Variants in MACROD2 observed in about 807,000 individuals in gnomAD.
MACROD2 encodes the protein mono-ADP ribosylhydrolase 2.
A neutral mutation model predicts 70.4 loss-of-function variants in MACROD2; 36 were observed. The ratio of observed to expected loss-of-function variants is 0.51; its 90% CI spans 0.39 to 0.68. The LOEUF is 0.68. Ranked by LOEUF, MACROD2 falls within the 30% of genes least tolerant of loss-of-function variation. The pLI, the probability that MACROD2 is intolerant of heterozygous loss-of-function variation, is 0.00. For missense variants in MACROD2, 496 were observed against 538.4 expected (o/e 0.92, Z 0.78); for synonymous variants, 172 against 178.8 (o/e 0.96, Z 0.30).
intron 8 of MACROD2, among the ~76,000 whole-genome samples, chr20:15,678,521 G>A (rs1182774063): frequency 1.2e-4 from 18 of 152,060 alleles, no homozygotes; most frequent in Non-Finnish European, 2.5e-4. Flanking sequence ...CACCATGCCT[G>A]GCTAATTTTT....
At chr20:14,483,633 C>T (rs1380543617) in intron 3 of MACROD2, among the ~76,000 whole-genome samples, 3 of 152,048 alleles carry the variant, frequency 2.0e-5, no homozygotes, top group Non-Finnish European at 4.4e-5. Context: ...CTCGAACTCC[C>T]GACCTCAGGT....
At chr20:14,905,662 C>G (rs1483464778) in intron 5 of MACROD2, 2 of 152,354 alleles carry the variant, frequency 1.3e-5, no homozygotes, top group African/African-American at 4.8e-5. Flanking sequence ...CTGGAACATC[C>G]CGATTCTCAT....
At chr20:14,939,871 G>C (rs1025578516) in intron 5 of MACROD2, among the ~76,000 whole-genome samples, 9 of 151,734 alleles carry the variant, frequency 5.9e-5, no homozygotes, top group African/African-American at 2.2e-4. Flanking sequence ...AGCTATTATA[G>C]ATGGGATTAC....
intron 5 of MACROD2, among the ~76,000 whole-genome samples, chr20:14,871,105 C>T (rs1414116241): frequency 2.0e-5 from 3 of 152,020 alleles, no homozygotes; most frequent in African/African-American, 7.2e-5. Flanking sequence ...TTCAATAGAT[C>T]AACCATGAGA....
chr20:14,473,062 A>G (rs2084548664), intron 3 of MACROD2, among the ~76,000 whole-genome samples: 1 of 152,198 alleles, frequency 6.6e-6, no homozygotes, highest in Admixed American at 6.5e-5. Context: ...GTAATTATAC[A>G]TATTTATGGA....
chr20:15,380,161 T>G (rs1382705000), intron 6 of MACROD2, among the ~76,000 whole-genome samples: 6 of 136,308 alleles, frequency 4.4e-5, no homozygotes, highest in African/African-American at 1.9e-4. Context: ...CCATCTGTCA[T>G]TCTTTATCAT....
intron 8 of MACROD2, among the ~76,000 whole-genome samples, chr20:15,835,342 G>T (rs865952442): frequency 6.6e-6 from 1 of 151,604 alleles, no homozygotes; most frequent in African/African-American, 2.4e-5. Flanking sequence ...TTTTCCATGG[G>T]AACCAATATT....
intron 8 of MACROD2, among the ~76,000 whole-genome samples, chr20:15,501,392 T>A (rs1247493489): frequency 1.3e-5 from 2 of 152,216 alleles, no homozygotes; most frequent in Admixed American, 1.3e-4. Context: ...GACATATGCA[T>A]AAAGTCATAT....
At chr20:15,447,992 C>T (rs1288033322) in intron 7 of MACROD2, among the ~76,000 whole-genome samples, 1 of 152,128 alleles carries the variant, frequency 6.6e-6, no homozygotes, top group African/African-American at 2.4e-5. Context: ...AGAACCTACA[C>T]TCTTCTAATC....
intron 5 of MACROD2, among the ~76,000 whole-genome samples, chr20:15,008,723 T>C (rs1195510873): frequency 6.6e-6 from 1 of 152,206 alleles, no homozygotes. Flanking sequence ...TGCATGTACT[T>C]AAAGTGGATG....
intron 5 of MACROD2, among the ~76,000 whole-genome samples, chr20:14,847,899 G>T (rs915378014): frequency 1.3e-5 from 2 of 152,114 alleles, no homozygotes; most frequent in African/African-American, 4.8e-5. Flanking sequence ...AAGGTTGCAG[G>T]ATTAATGAGC....
chr20:15,699,223 T>C (rs1446925182), intron 8 of MACROD2, among the ~76,000 whole-genome samples: 2 of 152,160 alleles, frequency 1.3e-5, no homozygotes, highest in African/African-American at 4.8e-5. Flanking sequence ...AGAGGGAAGG[T>C]CTAGGGCTGA....
intron 6 of MACROD2, among the ~76,000 whole-genome samples, chr20:15,397,858 A>T (rs561267303): frequency 5.9e-5 from 9 of 152,252 alleles, no homozygotes; most frequent in African/African-American, 2.2e-4. Flanking sequence ...CACTGTTGGC[A>T]TTATTTTCTT....
intron 3 of MACROD2, among the ~76,000 whole-genome samples, chr20:14,226,952 C>CAGT (rs2081743157): frequency 6.6e-6 from 1 of 152,242 alleles, no homozygotes; most frequent in African/African-American, 2.4e-5. Flanking sequence ...ATCCACTGGG[C>CAGT]GAAGCCAGCT....
chr20:15,119,246 C>T (rs1442579671), intron 5 of MACROD2, among the ~76,000 whole-genome samples: 1 of 152,184 alleles, frequency 6.6e-6, no homozygotes, highest in Non-Finnish European at 1.5e-5. Context: ...TTCAATATTT[C>T]CCACCCTTCT....
At chr20:14,468,597 C>T (rs1451480824) in intron 3 of MACROD2, among the ~76,000 whole-genome samples, 1 of 151,846 alleles carries the variant, frequency 6.6e-6, no homozygotes, top group African/African-American at 2.4e-5. Flanking sequence ...ACTGCAACCT[C>T]CGCCTCCCGG....
At chr20:15,055,877 C>A (rs2075481046) in intron 5 of MACROD2, among the ~76,000 whole-genome samples, 1 of 150,830 alleles carries the variant, frequency 6.6e-6, no homozygotes, top group African/African-American at 2.4e-5. Context: ...CTCACTGCCT[C>A]CTGAATTCAA....
intron 2 of MACROD2, chr20:14,053,576 G>A (rs2053597301): frequency 6.6e-6 from 1 of 152,114 alleles, no homozygotes; most frequent in Admixed American, 6.5e-5. Flanking sequence ...AGTACAGTGT[G>A]TTTATCACGA....
intron 5 of MACROD2, among the ~76,000 whole-genome samples, chr20:15,071,469 A>G (rs573138093): frequency 6.6e-6 from 1 of 152,310 alleles, no homozygotes; most frequent in South Asian, 2.1e-4. Flanking sequence ...GGGGCTCAAT[A>G]AATGTCTTAA....
Sources: gnomAD v4.1 joint callset for allele counts (sites outside exome capture counted in the v4.1 genomes callset) on GRCh38, gnomAD v4.1.1 for gene constraint, MANE v1.5 for transcripts, NCBI Gene and HGNC (gene_info 2026-07-23, HGNC 2026-07-21) for gene names.